Variants in USP53 observed in about 807,000 individuals in gnomAD.
The protein encoded by USP53 is ubiquitin specific peptidase 53, also known as ubiquitin carboxyl-terminal hydrolase 53.
In USP53, 71 loss-of-function variants were observed where a neutral mutation model predicts 94.9. The observed-to-expected ratio is 0.75, with a 90% CI of 0.62 to 0.91. The LOEUF is 0.91. Among genes scored for constraint, USP53 ranks in the 40% least tolerant of loss-of-function variants. The pLI is 0.00. For missense variants in USP53, 1,173 were observed against 1,281.0 expected (o/e 0.92, Z 1.29); for synonymous variants, 375 against 422.7 (o/e 0.89, Z 1.39).
chr4:119,216,898 A>G (rs1055722576), intron 2 of USP53, among the ~76,000 whole-genome samples: 1 of 152,184 alleles, frequency 6.6e-6, no homozygotes, highest in Non-Finnish European at 1.5e-5. Flanking sequence ...CCTTGTTGAC[A>G]TTGTTAAAAA....
At chr4:119,274,095 ATTT>A (rs1357976807) in intron 17 of USP53, among the ~76,000 whole-genome samples, 1 of 99,248 alleles carries the variant, frequency 1.0e-5, no homozygotes, top group Non-Finnish European at 2.2e-5. Context: ...TTTTTTATTT[ATTT>A]ATTTATTTTT....
Position 119,256,286 on chromosome 4 carries a change from G to A in USP53, c.413G>A (p.Ser138Asn). 6.2e-7 allele frequency: 1 copy of A among 1,613,828 alleles called. No homozygotes were observed. The highest frequency in any genetic ancestry group is 8.5e-7 in the Non-Finnish European group (1 of 1,179,920). The change falls in exon 8 of 19, where the codon AGC (serine) becomes AAC (asparagine). Residue 138 changes from serine to asparagine, a missense_variant. Coordinates refer to ENST00000692078, the MANE Select transcript of USP53 (RefSeq NM_001371395.1). ...AGGATTCATTTTCACATAGTGCCAA[G>A]CAGAGATGCAGACATGTGTACCTCT... ...LERIHFHIVP[S>N]RDADMCTSKS...
chr4:119,267,480 T>C lies in USP53; in HGVS notation c.1133T>C (p.Met378Thr). 2 of 1,605,156 alleles carry C rather than the reference T, an allele frequency of 1.2e-6. No homozygotes were observed. The highest frequency in any genetic ancestry group is 1.7e-6 in the Non-Finnish European group (2 of 1,177,326). ...CATTACAAATCTGTTGCAGAAAATATGGGTAATTCTTTCTTTTAAAAATTC... is the reference window on the plus strand; with the variant it reads ...CATTACAAATCTGTTGCAGAAAATACGGGTAATTCTTTCTTTTAAAAATTC... ...WSHYKSVAEN[M>T]GCEKPVIHKS... The change falls in exon 13 of 19, where the codon ATG becomes ACG. Residue 378 changes from methionine to threonine, a missense_variant and splice_region_variant. Physicochemically the swap from Met to Thr is moderately conservative, Grantham distance 81. Transcript: ENST00000692078.
At chr4:119,265,141 T>A (rs1750952831) in intron 12 of USP53, among the ~76,000 whole-genome samples, 1 of 152,130 alleles carries the variant, frequency 6.6e-6, no homozygotes, top group African/African-American at 2.4e-5. Context: ...CAAAATGGGG[T>A]ACAAGGTAAG....
intron 3 of USP53, among the ~76,000 whole-genome samples, chr4:119,229,839 CT>C (rs1482115512): frequency 4.6e-5 from 7 of 152,082 alleles, no homozygotes; most frequent in African/African-American, 1.7e-4. Context: ...CCAACAAAAG[CT>C]TTTTGCCACC....
chr4:119,279,708 C>G (rs546451910), intron 17 of USP53, among the ~76,000 whole-genome samples: 2 of 152,162 alleles, frequency 1.3e-5, no homozygotes, highest in Admixed American at 6.5e-5. Context: ...GCCTCGCTGT[C>G]GCCTTGCAGT....
intron 2 of USP53, among the ~76,000 whole-genome samples, chr4:119,216,306 A>G (rs561531196): frequency 1.6e-4 from 24 of 151,956 alleles, no homozygotes; most frequent in Non-Finnish European, 3.1e-4. Context: ...ACTTGAACCC[A>G]AGAGGCGGAG....
At chr4:119,245,579 G>T (rs1409859086) in intron 6 of USP53, 150 bp downstream of exon 6, 1 of 592,436 alleles carries the variant, frequency 1.7e-6, no homozygotes, top group Non-Finnish European at 2.9e-6. Context: ...ACTTATTCAG[G>T]TTTGTGTTTT....
chr4:119,264,718 G>T (rs1750906225), intron 12 of USP53, among the ~76,000 whole-genome samples: 1 of 152,184 alleles, frequency 6.6e-6, no homozygotes, highest in African/African-American at 2.4e-5. Context: ...CTCACACAAG[G>T]TTGATGGAAC....
chr4:119,261,068 T>C (rs1476911351), intron 11 of USP53, among the ~76,000 whole-genome samples: 2 of 151,214 alleles, frequency 1.3e-5, no homozygotes, highest in African/African-American at 4.9e-5. Context: ...CAAGCAATTT[T>C]CATGCTTCAG....
intron 17 of USP53, among the ~76,000 whole-genome samples, chr4:119,278,429 C>A (rs1752963596): frequency 6.9e-6 from 1 of 144,122 alleles, no homozygotes; most frequent in African/African-American, 2.5e-5. Flanking sequence ...AATATTGGCC[C>A]CCACTCTCTT....
At chr4:119,282,523 C>T (rs1753620595) in intron 17 of USP53, among the ~76,000 whole-genome samples, 1 of 151,774 alleles carries the variant, frequency 6.6e-6, no homozygotes, top group Non-Finnish European at 1.5e-5. Flanking sequence ...TTTGTGTAAC[C>T]CACTCTTTAT....
At chr4:119,281,290 G>A (rs904151876) in intron 17 of USP53, among the ~76,000 whole-genome samples, 2 of 152,114 alleles carry the variant, frequency 1.3e-5, no homozygotes, top group African/African-American at 4.8e-5. Flanking sequence ...CAAAGACAAT[G>A]TTTTCAAATT....
intron 3 of USP53, among the ~76,000 whole-genome samples, chr4:119,228,119 C>T (rs1745566327): frequency 6.6e-6 from 1 of 152,160 alleles, no homozygotes; most frequent in Admixed American, 6.5e-5. Context: ...AAGTCTAGGT[C>T]GTTTTTAACT....
intron 3 of USP53, chr4:119,219,961 G>A (rs1744281955): frequency 6.6e-6 from 1 of 151,928 alleles, no homozygotes; most frequent in Non-Finnish European, 1.5e-5. Flanking sequence ...TCATTTTAAA[G>A]TTCAAATTTA....
rs1228218511 is a variant in USP53 at position 119,269,850 on chromosome 4, C to T, written c.1435+13C>T. The T allele has an allele frequency of 1.5e-6, 2 of 1,357,648 alleles. No individual in the cohort carries two copies. Among genetic ancestry groups the T allele is most frequent in the African/African-American group, 1.5e-5 (1 of 66,750 alleles). 84.1% of individuals were successfully genotyped at this position (1,357,648 alleles called of 1,614,324 possible). On this transcript the variant is annotated intron_variant, in intron 15 of 18. Transcript: ENST00000692078. ...GGACGACATAGAGGTAAGTTAAGAT[C>T]TTGTACTATTGATTTTAAAAGGAAC...
intron 16 of USP53, 95 bp from the exon 17 acceptor site, chr4:119,273,537 C>T: frequency 1.2e-6 from 1 of 848,254 alleles, no homozygotes; most frequent in Non-Finnish European, 1.9e-6. Context: ...CAGCACATGG[C>T]ATATAATAAA....
In USP53 at chr4:119,293,147, A is replaced by G; in HGVS notation, c.3158A>G (p.Tyr1053Cys). 6.2e-7 allele frequency: 1 copy of G among 1,613,090 alleles called. No individual in the cohort carries two copies. Residue 1053 changes from tyrosine to cysteine, a missense_variant, in exon 19 of 19, where the codon TAC (tyrosine) becomes TGC (cysteine). Transcript: ENST00000692078. The part of the protein sequence containing the change: ...SCMTDTYRLK[Y>C]HQRPKLSFPE... ...ATGACGGATACATATAGATTGAAAT[A>G]CCATCAGAGGCCCAAGCTCTCTTTT...
rs1391483482 is a variant in USP53, at chr4:119,273,721, T to C, written c.2251+13T>C. ...CATCACTTAGAAGGTAAAAAACTTA[T>C]TTGAATATAATAGTTGCTGTAAAAA... On this transcript the variant is annotated intron_variant, in intron 17 of 18. Transcript: ENST00000692078. 9.4e-6 allele frequency: 15 copies of C among 1,599,836 alleles called. No individual in the cohort carries two copies. Among genetic ancestry groups the C allele is most frequent in the Admixed American group, 3.4e-5 (2 of 59,578 alleles).
Sources: allele counts gnomAD v4.1 joint callset (sites outside exome capture counted in the v4.1 genomes callset), GRCh38; gene constraint gnomAD v4.1.1; transcripts MANE v1.5; gene names NCBI Gene and HGNC (gene_info 2026-07-23, HGNC 2026-07-21).